MED12: variants seen among roughly 807,000 people sequenced by gnomAD.
MED12 encodes mediator complex subunit 12.
A neutral mutation model predicts 177.7 loss-of-function variants in MED12; 10 were observed. The observed-to-expected ratio is 0.06, with a 90% CI of 0.03 to 0.10. The LOEUF (loss-of-function observed/expected upper bound fraction) is 0.10. Among genes scored for constraint, MED12 ranks in the 10% least tolerant of loss-of-function variants. The pLI is 1.00. For synonymous variants in MED12, 641 were observed against 678.4 expected, an observed-to-expected ratio of 0.94 and a Z score of 0.86; for missense variants, 867 against 1,780.8, an observed-to-expected ratio of 0.49 and a Z score of 9.23.
At chrX:71,141,013 C>T (rs886346241) in intron 42 of MED12, among the ~76,000 whole-genome samples, 156 bp downstream of exon 42, 1 of 110,300 alleles carries the variant, frequency 9.1e-6, no homozygotes, top group Non-Finnish European at 1.9e-5. Context: ...TTTCTACCCT[C>T]CCCCTTTTTG....
chrX:71,135,386 C>A (rs2092329475), intron 36 of MED12, 133 bp downstream of exon 36: 2 of 729,613 alleles, frequency 2.7e-6, no homozygotes, highest in South Asian at 2.3e-5. Flanking sequence ...TGAACACCAT[C>A]TCTGGGGTTT....
chrX:71,125,270 G>C, intron 15 of MED12, 81 bp from the exon 16 acceptor site: 5 of 1,196,728 alleles, frequency 4.2e-6, no homozygotes, highest in Non-Finnish European at 5.7e-6. Flanking sequence ...TTAGCATGTG[G>C]ATGCTGAGGG....
intron 12 of MED12, 90 bp from the exon 13 acceptor site, chrX:71,124,065 ATCAC>A: frequency 1.3e-6 from 1 of 746,431 alleles, no homozygotes; most frequent in Non-Finnish European, 2.1e-6. Context: ...TTTCTATTTG[ATCAC>A]TCTTATTATT....
intron 35 of MED12, 95 bp from the exon 36 acceptor site, chrX:71,134,997 G>T (rs890831574): frequency 1.7e-6 from 2 of 1,153,752 alleles, no homozygotes; most frequent in Non-Finnish European, 2.4e-6. Context: ...CTGAGTGGGG[G>T]TCTTCTCTGT....
At chrX:71,140,371 C>T (rs746690246) in intron 41 of MED12, among the ~76,000 whole-genome samples, 7 of 110,424 alleles carry the variant, frequency 6.3e-5, no homozygotes, top group South Asian at 3.9e-4. Flanking sequence ...TGTGAGCCAC[C>T]GCACCCAGCC....
intron 2 of MED12, 91 bp downstream of exon 2, chrX:71,119,568 T>C: frequency 9.3e-7 from 1 of 1,080,709 alleles, no homozygotes; most frequent in Non-Finnish European, 1.3e-6. Flanking sequence ...AGGGACAACC[T>C]AAGTGGCTGA....
Position 71,125,362 on chromosome X carries a change from C to T in MED12, c.2238C>T (p.Cys746=). 8.3e-7 allele frequency: 1 copy of T among 1,210,883 alleles called. No individual in the cohort carries two copies. Among genetic ancestry groups the T allele is most frequent in the Non-Finnish European group, 1.1e-6 (1 of 895,259 alleles). The change falls in exon 16 of 45, where the codon TGC becomes TGT. Residue 746 remains cysteine, a synonymous_variant. Transcript: ENST00000374080. The part of the protein sequence containing the change: ...THFPIPQEES[C]SHECNQRLVV... ...CTGCTGGGATGCAGGAGGAGTCATG[C>T]AGCCATGAGTGCAACCAGCGGTTGG...
chrX:71,123,763 A>G (rs2092295781), intron 12 of MED12, 43 bp downstream of exon 12: 2 of 1,146,571 alleles, frequency 1.7e-6, no homozygotes, highest in Middle Eastern at 2.4e-4. Flanking sequence ...GCCTAGACTC[A>G]GTTACCCACC....
rs780565385 is a variant in MED12, at chrX:71,137,890, C to T, written c.5991C>T (p.Gly1997=). 26 of 1,209,810 alleles carry T rather than the reference C, an allele frequency of 2.1e-5. No homozygotes were observed. The Admixed American group carries it at 5.5e-4, about 25-fold the overall frequency. ...GCCACCTGCAACAGCGGCCCAGTGG[C>T]TATGTGCACCAGCAGGCCCCCACCT... ...PTRHLQQRPS[G]YVHQQAPTYG... Residue 1997 remains glycine (G), a synonymous_variant, in exon 41 of 45, where the codon GGC becomes GGT. Coordinates refer to ENST00000374080, the MANE Select transcript of MED12 (RefSeq NM_005120.3).
rs5981075 is a variant in MED12 at position 71,122,583 on chromosome X, G to A, written c.1324G>A (p.Asp442Asn). ...GGCAGTTGAAGTTCGCTGGTCTTTC[G>A]ATAAATGCCAGGAAGCTACTGCAGG... is the stretch of plus-strand genomic sequence containing the variant. The part of the protein sequence containing the change: ...GQAVEVRWSF[D>N]KCQEATAGFT... Residue 442 changes from aspartate to asparagine, a missense_variant, in exon 9 of 45, where the codon GAT (aspartate) becomes AAT (asparagine). Asp to Asn is a conservative substitution (Grantham distance 23). Coordinates refer to ENST00000374080, the MANE Select transcript of MED12 (RefSeq NM_005120.3). 8.3e-7 allele frequency: 1 copy of A among 1,210,055 alleles called. No individual in the cohort carries two copies. Among genetic ancestry groups the A allele is most frequent in the Non-Finnish European group, 1.1e-6 (1 of 893,937 alleles).
rs746205041 is a variant in MED12 at position 71,122,591 on chromosome X, C to T, written c.1332C>T (p.Cys444=). The change falls in exon 9 of 45, where the codon TGC becomes TGT. Residue 444 remains cysteine (C), a synonymous_variant. Transcript: ENST00000374080. ...AAGTTCGCTGGTCTTTCGATAAATGCCAGGAAGCTACTGCAGGTATGTGTC... is the reference window on the plus strand; with the variant it reads ...AAGTTCGCTGGTCTTTCGATAAATGTCAGGAAGCTACTGCAGGTATGTGTC... The part of the protein sequence containing the change: ...AVEVRWSFDK[C]QEATAGFTIG... 28 of 1,206,550 alleles carry T rather than the reference C, an allele frequency of 2.3e-5. No homozygotes were observed. The highest frequency in any genetic ancestry group is 1.8e-4 in the South Asian group (10 of 56,743).
At position 71,125,366 on chromosome X, in the gene MED12, C is replaced by T; in HGVS notation, c.2242C>T (p.His748Tyr). 8.3e-7 allele frequency: 1 copy of T among 1,210,589 alleles called. No homozygotes were observed. The highest frequency in any genetic ancestry group is 1.1e-6 in the Non-Finnish European group (1 of 895,159). The change falls in exon 16 of 45, where the codon CAT becomes TAT. Residue 748 changes from histidine to tyrosine, a missense_variant. Transcript: ENST00000374080. Reference protein sequence around the residue: ...FPIPQEESCSHECNQRLVVLF... With the variant: ...FPIPQEESCSYECNQRLVVLF... ...TGGGATGCAGGAGGAGTCATGCAGC[C>T]ATGAGTGCAACCAGCGGTTGGTCGT...
At chrX:71,121,469 AG>A (rs2147778986) in intron 6 of MED12, 32 bp downstream of exon 6, 1 of 1,208,737 alleles carries the variant, frequency 8.3e-7, no homozygotes, top group African/African-American at 1.7e-5. Flanking sequence ...CTGGTGGGGC[AG>A]GGGGAGTCTA....
Position 71,124,858 on chromosome X carries a change from T to C in MED12, c.2055+14T>C. 2 of 1,198,166 alleles carry C rather than the reference T, an allele frequency of 1.7e-6. No homozygotes were observed. The highest frequency in any genetic ancestry group is 2.3e-6 in the Non-Finnish European group (2 of 883,092). On this transcript the variant is annotated intron_variant, in intron 14 of 44. Transcript: ENST00000374080. ...CCTGATTTCTCAGTAAGTTCAATCC[T>C]GAGCGTGGCAGAATCTGGATCCTTG...
chrX:71,120,254 C>A (rs2092286085), intron 4 of MED12, 84 bp downstream of exon 4: 13 of 1,008,458 alleles, frequency 1.3e-5, no homozygotes, highest in Non-Finnish European at 1.8e-5. Flanking sequence ...CCTTCTTAAT[C>A]TAGATTCCTT....
intron 4 of MED12, 67 bp downstream of exon 4, chrX:71,120,237 C>G (rs1377503758): frequency 7.6e-6 from 8 of 1,057,873 alleles, no homozygotes; most frequent in Non-Finnish European, 1.1e-5. Context: ...ACCCTTGGAA[C>G]CATCCTCCTT....
intron 33 of MED12, 123 bp from the exon 34 acceptor site, chrX:71,134,230 CAAAA>C (rs35646519): frequency 5.0e-4 from 151 of 300,320 alleles, no homozygotes; most frequent in East Asian, 1.1e-3. Context: ...GACTCCGTCT[CAAAA>C]AAAAAAAAAA....
chrX:71,123,193 C>T lies in MED12; in HGVS notation c.1584C>T (p.Leu528=). Residue 528 remains leucine, a synonymous_variant, in exon 11 of 45, where the codon CTC becomes CTT. Transcript: ENST00000374080. ...GRHRAMVVAK[L]LEKRQAEIEA... ...ATCGTGCTATGGTGGTAGCCAAGCT[C>T]CTGGAGAAGAGACAGGCGGAGATTG... 8.3e-7 allele frequency: 1 copy of T among 1,211,381 alleles called. No homozygotes were observed. The highest frequency in any genetic ancestry group is 1.1e-6 in the Non-Finnish European group (1 of 895,458).
chrX:71,140,491 C>A, intron 41 of MED12, 144 bp from the exon 42 acceptor site: 1 of 1,052,319 alleles, frequency 9.5e-7, no homozygotes, highest in Non-Finnish European at 1.3e-6. Flanking sequence ...AACTTATTCC[C>A]CAGACTGGAA....
Sources: gnomAD v4.1 joint callset for allele counts (sites outside exome capture counted in the v4.1 genomes callset) on GRCh38, gnomAD v4.1.1 for gene constraint, MANE v1.5 for transcripts, NCBI Gene and HGNC (gene_info 2026-07-23, HGNC 2026-07-21) for gene names.